Variants in TBL1X observed in about 807,000 individuals in gnomAD.
The protein encoded by TBL1X is F-box-like/WD repeat-containing protein TBL1X.
In TBL1X, 10 loss-of-function variants were observed where a neutral mutation model predicts 50.7. The ratio of observed to expected loss-of-function variants is 0.20; its 90% CI spans 0.12 to 0.33. The LOEUF (loss-of-function observed/expected upper bound fraction) is 0.33, where lower values mean the gene tolerates loss of function less well. Among genes scored for constraint, TBL1X ranks in the 10% least tolerant of loss-of-function variants. The pLI, the probability that TBL1X is intolerant of heterozygous loss-of-function variation, is 1.00. For synonymous variants in TBL1X, 190 were observed against 214.7 expected, an observed-to-expected ratio of 0.88 and a Z score of 1.01; for missense variants, 340 against 504.4, an observed-to-expected ratio of 0.67 and a Z score of 3.12.
intron 9 of TBL1X, 138 bp from the exon 10 acceptor site, chrX:9,693,011 T>G: frequency 1.6e-6 from 1 of 608,618 alleles, no homozygotes; most frequent in Non-Finnish European, 2.7e-6. Context: ...AGCATGGTAT[T>G]TTCAATTCTG....
At chrX:9,647,301 C>T (rs2082810209) in intron 3 of TBL1X, among the ~76,000 whole-genome samples, 1 of 112,122 alleles carries the variant, frequency 8.9e-6, no homozygotes, top group Non-Finnish European at 1.9e-5. Context: ...AGCAGAGAAA[C>T]TTCAAAAATG....
intron 2 of TBL1X, among the ~76,000 whole-genome samples, chrX:9,518,837 C>A (rs2082093543): frequency 9.0e-6 from 1 of 110,881 alleles, no homozygotes; most frequent in Non-Finnish European, 1.9e-5. Context: ...TATCATAGAA[C>A]CAGAGTGGTA....
At position 9,492,502 on chromosome X, in the gene TBL1X, T is replaced by A. The variant is rs1307228282; in HGVS notation, c.-200-9278T>A. Among the ~76,000 whole-genome samples the A allele has an allele frequency of 4.5e-5, 5 of 112,067 alleles. No homozygotes were observed. The East Asian group carries it at 1.4e-3, about 31-fold the overall frequency. Reference sequence around the variant, plus strand: ...GTTTCAGATGTCATTATGCTACCAGTCTTGGTAATTTCTAATCATGTTTTG... The same window carrying A: ...GTTTCAGATGTCATTATGCTACCAGACTTGGTAATTTCTAATCATGTTTTG... On this transcript the variant is annotated intron_variant, in intron 1 of 17. Coordinates refer to ENST00000645353, the MANE Select transcript of TBL1X (RefSeq NM_005647.4).
chrX:9,552,634 C>G (rs970074977), intron 2 of TBL1X, among the ~76,000 whole-genome samples: 3 of 112,070 alleles, frequency 2.7e-5, no homozygotes, highest in Admixed American at 9.5e-5. Context: ...AAAGTCGTTG[C>G]AAGAATGCTG....
intron 2 of TBL1X, among the ~76,000 whole-genome samples, 152 bp downstream of exon 2, chrX:9,502,001 C>T (rs987557835): frequency 1.8e-5 from 2 of 112,137 alleles, no homozygotes; most frequent in African/African-American, 6.5e-5. Context: ...TTGCAATTTC[C>T]AGTATGGTAG....
At chrX:9,499,691 T>C (rs1347929609) in intron 1 of TBL1X, among the ~76,000 whole-genome samples, 1 of 112,538 alleles carries the variant, frequency 8.9e-6, no homozygotes, top group Non-Finnish European at 1.9e-5. Context: ...TAAGAGCTGC[T>C]CTGGCTAGGT....
At chrX:9,592,399 C>T (rs992038624) in intron 2 of TBL1X, among the ~76,000 whole-genome samples, 3 of 111,888 alleles carry the variant, frequency 2.7e-5, no homozygotes, top group African/African-American at 9.8e-5. Flanking sequence ...GTCATTATTT[C>T]TATAGTGGGT....
In TBL1X at chrX:9,571,815, C is replaced by T. The variant is rs746849437; in HGVS notation, c.-130-68458C>T. ...GAACTTGATGACTCTGGATACCTCCCGTAAGTGGAATCCTACAGGATTTGT... is the reference window on the plus strand; with the variant it reads ...GAACTTGATGACTCTGGATACCTCCTGTAAGTGGAATCCTACAGGATTTGT... On this transcript the variant is annotated intron_variant, in intron 2 of 17. Transcript: ENST00000645353. 4.5e-5 allele frequency among the ~76,000 whole-genome samples: 5 copies of T among 112,048 alleles called. No homozygotes were observed. In the South Asian group the frequency reaches 1.1e-3, roughly 25 times the overall value.
chrX:9,612,872 GAATT>G (rs2082620437), intron 2 of TBL1X, among the ~76,000 whole-genome samples: 1 of 110,336 alleles, frequency 9.1e-6, no homozygotes, highest in African/African-American at 3.3e-5. Context: ...TTTAAAAACT[GAATT>G]AAAGAGCATT....
intron 2 of TBL1X, among the ~76,000 whole-genome samples, chrX:9,617,142 G>A (rs1439187624): frequency 8.9e-6 from 1 of 111,881 alleles, no homozygotes; most frequent in African/African-American, 3.2e-5. Context: ...GTTTCTGGCT[G>A]AATAGGCTAG....
intron 2 of TBL1X, among the ~76,000 whole-genome samples, chrX:9,569,140 A>C (rs2082370032): frequency 1.1e-5 from 1 of 88,728 alleles, no homozygotes. Flanking sequence ...CGTTGTGTCT[A>C]TCTGCAGTGT....
At chrX:9,616,133 T>G (rs1329783674) in intron 2 of TBL1X, among the ~76,000 whole-genome samples, 1 of 111,790 alleles carries the variant, frequency 8.9e-6, no homozygotes, top group Non-Finnish European at 1.9e-5. Context: ...ACTTTGGTAT[T>G]TGCATTAGAT....
chrX:9,490,665 G>A (rs1259741344), intron 1 of TBL1X, among the ~76,000 whole-genome samples: 1 of 112,270 alleles, frequency 8.9e-6, no homozygotes, highest in African/African-American at 3.2e-5. Flanking sequence ...ATCTAGGAAG[G>A]AAGGTTTGAT....
At chrX:9,692,462 C>T (rs960435204) in intron 9 of TBL1X, among the ~76,000 whole-genome samples, 5 of 112,072 alleles carry the variant, frequency 4.5e-5, no homozygotes, top group Non-Finnish European at 7.5e-5. Flanking sequence ...GGCTGGAATG[C>T]AGTGGTGTGA....
At chrX:9,637,209 T>C (rs2082752090) in intron 2 of TBL1X, 1 of 111,982 alleles carries the variant, frequency 8.9e-6, no homozygotes, top group African/African-American at 3.2e-5. Flanking sequence ...CCATTCTGTG[T>C]CCTTTTCTTT....
chrX:9,547,889 G>A (rs982141695), intron 2 of TBL1X, among the ~76,000 whole-genome samples: 1 of 98,370 alleles, frequency 1.0e-5, no homozygotes. Context: ...TCCACAGGAT[G>A]CTTCCTCACC....
chrX:9,714,046 C>T (rs1304228212), intron 16 of TBL1X, among the ~76,000 whole-genome samples: 6 of 110,958 alleles, frequency 5.4e-5, no homozygotes, highest in Admixed American at 3.8e-4. Context: ...AACTCTTGGG[C>T]TCAATCCGTC....
At chrX:9,500,664 T>C (rs2081996714) in intron 1 of TBL1X, among the ~76,000 whole-genome samples, 2 of 111,943 alleles carry the variant, frequency 1.8e-5, no homozygotes, top group Admixed American at 1.9e-4. Flanking sequence ...GTGCCCCTCC[T>C]GGGGCTCCTG....
chrX:9,652,354 G>T (rs901866385), intron 3 of TBL1X, among the ~76,000 whole-genome samples: 23 of 111,965 alleles, frequency 2.1e-4, no homozygotes, highest in Non-Finnish European at 3.6e-4. Flanking sequence ...GACTTTGTGG[G>T]GGTAAGGTAT....
Sources: gnomAD v4.1 joint callset for allele counts (sites outside exome capture counted in the v4.1 genomes callset) on GRCh38, gnomAD v4.1.1 for gene constraint, MANE v1.5 for transcripts, NCBI Gene and HGNC (gene_info 2026-07-23, HGNC 2026-07-21) for gene names.